Variants in TCF25 observed in about 807,000 individuals in gnomAD.
TCF25 encodes the protein ribosome quality control complex subunit TCF25.
A neutral mutation model predicts 83.1 loss-of-function variants in TCF25; 41 were observed. That is an observed-to-expected ratio of 0.49 (90% CI 0.38 to 0.64). TCF25 has a LOEUF of 0.64. Among genes scored for constraint, TCF25 ranks in the 30% least tolerant of loss-of-function variants. The probability of loss-of-function intolerance (pLI) is 0.00; values close to 1 mark genes in which losing one functional copy is unlikely to be tolerated. For missense variants in TCF25, 979 were observed against 914.5 expected (o/e 1.07, Z -0.91); for synonymous variants, 458 against 365.0 (o/e 1.25, Z -2.90).
In TCF25 at chr16:89,873,663, G is replaced by A; in HGVS notation, c.-5G>A. Reference sequence around the variant, plus strand: ...TCTCTCCAGACGTCGTGGTCGTTCGGTCCTATGTCGCGCCGGGCCCTCCGG... The same window carrying A: ...TCTCTCCAGACGTCGTGGTCGTTCGATCCTATGTCGCGCCGGGCCCTCCGG... On this transcript the variant is annotated 5_prime_UTR_variant, in exon 1 of 18. Coordinates refer to ENST00000263346, the MANE Select transcript of TCF25 (RefSeq NM_014972.3). 6.3e-7 allele frequency: 1 copy of A among 1,596,330 alleles called. No individual in the cohort carries two copies. The highest frequency in any genetic ancestry group is 8.5e-7 in the Non-Finnish European group (1 of 1,174,630).
chr16:89,905,300 C>T (rs1038728003), intron 14 of TCF25, among the ~76,000 whole-genome samples: 2 of 152,148 alleles, frequency 1.3e-5, no homozygotes, highest in African/African-American at 4.8e-5. Flanking sequence ...TGGTGATCAG[C>T]GCAGGGTACC....
intron 3 of TCF25, among the ~76,000 whole-genome samples, chr16:89,885,304 T>C (rs2042920855): frequency 6.6e-6 from 1 of 152,226 alleles, no homozygotes; most frequent in Non-Finnish European, 1.5e-5. Flanking sequence ...CGCTCTGCTC[T>C]GTGTCTCTGT....
intron 6 of TCF25, 106 bp downstream of exon 6, chr16:89,892,381 T>G (rs1597325133): frequency 1.9e-4 from 139 of 747,900 alleles, no homozygotes; most frequent in South Asian, 9.1e-4. Context: ...CTGCTGGGGG[T>G]GGAGGGCGGC....
At chr16:89,900,215 G>GCTCGGAAACTCGCGTGGCGGGCTGCT (rs1258225138) in intron 11 of TCF25, among the ~76,000 whole-genome samples, 1 of 151,842 alleles carries the variant, frequency 6.6e-6, no homozygotes, top group Non-Finnish European at 1.5e-5. Flanking sequence ...GTGGTAGACT[G>GCTCGGAAACTCGCGTGGCGGGCTGCT]CTCGGAAACT....
chr16:89,908,664 C>T (rs1435479487), intron 16 of TCF25, among the ~76,000 whole-genome samples: 2 of 136,844 alleles, frequency 1.5e-5, no homozygotes, highest in African/African-American at 2.7e-5. Flanking sequence ...CCTCCCAGCT[C>T]CCACCTCCCT....
Position 89,873,654 on chromosome 16 carries a change from G to A in TCF25, c.-14G>A. On this transcript the variant is annotated 5_prime_UTR_variant, in exon 1 of 18. Coordinates refer to ENST00000263346, the MANE Select transcript of TCF25 (RefSeq NM_014972.3). ...CCTTCTCCCTCTCTCCAGACGTCGT[G>A]GTCGTTCGGTCCTATGTCGCGCCGG... is the stretch of plus-strand genomic sequence containing the variant. 2 of 1,559,834 alleles carry A rather than the reference G, an allele frequency of 1.3e-6. No homozygotes were observed. The highest frequency in any genetic ancestry group is 1.2e-5 in the South Asian group (1 of 85,292).
intron 16 of TCF25, chr16:89,909,180 C>T (rs1390448823): frequency 3.2e-6 from 4 of 1,262,406 alleles, no homozygotes; most frequent in Non-Finnish European, 4.1e-6. Flanking sequence ...ACTGCACCAG[C>T]CTGGCCAACA....
At chr16:89,904,666 T>G in intron 13 of TCF25, 1 of 581,248 alleles carries the variant, frequency 1.7e-6, no homozygotes. Flanking sequence ...TCGCCCTGTG[T>G]GCACGCAGAT....
chr16:89,889,704 C>G (rs2043277736), intron 5 of TCF25: 1 of 153,656 alleles, frequency 6.5e-6, no homozygotes, highest in Non-Finnish European at 1.4e-5. Context: ...GCATGTGCCA[C>G]CATGTCCAGC....
At chr16:89,895,838 G>T in intron 8 of TCF25, 152 bp from the exon 9 acceptor site, 2 of 627,480 alleles carry the variant, frequency 3.2e-6, no homozygotes, top group Non-Finnish European at 5.5e-6. Context: ...TGGCATCCAG[G>T]GTGCCCAGGG....
rs1291710351 is a variant in TCF25, at chr16:89,878,434, A to T, written c.192+4575A>T. The T allele has an allele frequency of 7.3e-3, 7,306 of 1,005,300 alleles. 44 individuals are homozygous for T. Among genetic ancestry groups the T allele is most frequent in the Non-Finnish European group, 8.2e-3 (6,593 of 807,202 alleles). The allele number at this position is 1,005,300 out of a possible 1,614,324, so 62.3% of individuals were successfully genotyped here. A position where few individuals can be genotyped will look rare whatever the true frequency, so the allele number is the denominator to read the frequency against. On this transcript the variant is annotated intron_variant, in intron 1 of 17. Transcript: ENST00000263346. ...AACTCCGTCTCTATTAAAAATCACC[A>T]TTTTTTTTTTTTTTTTTTTTTTTTA... is the stretch of plus-strand genomic sequence containing the variant.
chr16:89,887,777 CG>C (rs1008928545), intron 5 of TCF25, 60 bp downstream of exon 5: 1 of 1,455,690 alleles, frequency 6.9e-7, no homozygotes, highest in Non-Finnish European at 9.2e-7. Flanking sequence ...GACTCTTGGC[CG>C]GGGGTGGTGT....
chr16:89,885,870 A>T lies in TCF25; in HGVS notation c.452A>T (p.Asp151Val), dbSNP rs1597295897. The change falls in exon 4 of 18, where the codon GAT (aspartate) becomes GTT (valine). Residue 151 changes from aspartate (D) to valine (V), a missense_variant. Asp to Val is a radical substitution (Grantham distance 152, BLOSUM62 -3). Transcript: ENST00000263346. ...TAGGAAAACGGACTAGAAGATATCG[A>T]TCGCATCCTAGAGAGGATTGAGGAC... ...EASENGLEDI[D>V]RILERIEDST... 6.2e-7 allele frequency: 1 copy of T among 1,613,340 alleles called. No homozygotes were observed. The highest frequency in any genetic ancestry group is 2.2e-5 in the East Asian group (1 of 44,852).
chr16:89,908,995 T>C (rs957667587), intron 16 of TCF25: 3 of 1,289,462 alleles, frequency 2.3e-6, no homozygotes, highest in Non-Finnish European at 3.0e-6. Flanking sequence ...AACAGTGTTA[T>C]TTGGGGGTCA....
intron 12 of TCF25, chr16:89,901,048 CAG>C (rs1407542692): frequency 1.3e-5 from 5 of 389,528 alleles, no homozygotes; most frequent in African/African-American, 9.8e-5. Flanking sequence ...TTCTAGAGTG[CAG>C]AGACAGAACT....
Position 89,895,996 on chromosome 16 carries a change from C to T in TCF25, c.935C>T (p.Ala312Val), listed in dbSNP as rs201951173. The T allele has an allele frequency of 1.4e-5, 23 of 1,613,778 alleles. No homozygotes were observed. The East Asian group carries it at 1.8e-4, about 13-fold the overall frequency. The change falls in exon 9 of 18, where the codon GCG (alanine) becomes GTG (valine). Residue 312 changes from alanine (A) to valine (V), a missense_variant. Ala to Val is a moderately conservative substitution (Grantham distance 64). Coordinates refer to ENST00000263346, the MANE Select transcript of TCF25 (RefSeq NM_014972.3). The stretch of plus-strand genomic sequence containing the variant: ...GGCGTCCCTGTGCCCACAGAGAGAG[C>T]GCTGTACAGCATGGAATGTGCGTTC... ...QEMARDLVER[A>V]LYSMECAFHP...
chr16:89,875,672 G>A (rs1355097764), intron 1 of TCF25, among the ~76,000 whole-genome samples: 3 of 150,924 alleles, frequency 2.0e-5, no homozygotes, highest in Admixed American at 6.6e-5. Flanking sequence ...ACAGGCGCCC[G>A]CCACCACGCC....
At chr16:89,883,795 C>G (rs532274628) in intron 2 of TCF25, 13 of 343,606 alleles carry the variant, frequency 3.8e-5, no homozygotes, top group African/African-American at 2.4e-4. Context: ...GCACGTGTGT[C>G]CCTCCTAGCC....
At chr16:89,906,043 C>T (rs943815689) in intron 14 of TCF25, 151 bp from the exon 15 acceptor site, 4 of 698,220 alleles carry the variant, frequency 5.7e-6, no homozygotes, top group African/African-American at 1.8e-5. Context: ...CATGGTGCCT[C>T]TGCTCGAGAG....
Sources: allele counts gnomAD v4.1 joint callset (sites outside exome capture counted in the v4.1 genomes callset), GRCh38; gene constraint gnomAD v4.1.1; transcripts MANE v1.5; gene names NCBI Gene and HGNC (gene_info 2026-07-23, HGNC 2026-07-21).